The following STARD13 variants were observed in gnomAD, a reference collection of about 807,000 sequenced individuals.
STARD13 encodes the protein StAR related lipid transfer domain containing 13, also known as stAR-related lipid transfer protein 13.
Under a neutral mutation model 106.4 loss-of-function variants are expected in STARD13, and 62 were observed. That is an observed-to-expected ratio of 0.58 (90% confidence interval 0.48 to 0.72). The LOEUF is 0.72. STARD13 is among the 30% of genes least tolerant of loss of function. The pLI, the probability that STARD13 is intolerant of heterozygous loss-of-function variation, is 0.00. For missense variants in STARD13, 1,387 were observed against 1,424.0 expected, an observed-to-expected ratio of 0.97 and a Z score of 0.42; for synonymous variants, 565 against 553.0, an observed-to-expected ratio of 1.02 and a Z score of -0.31.
the STARD13 span, among the ~76,000 whole-genome samples, chr13:33,565,080 G>A: frequency 9.6e-3 from 1,409 of 147,172 alleles, 110 homozygotes; most frequent in African/African-American, 0.033. Flanking sequence ...AGTGAAATTA[G>A]CACAAAAAGT....
downstream of STARD13, among the ~76,000 whole-genome samples, chr13:33,345,041 T>A (rs892011294): frequency 6.6e-6 from 1 of 152,200 alleles, no homozygotes; most frequent in Admixed American, 6.5e-5. Flanking sequence ...TCACCAGCAG[T>A]GGTTGATTAG....
In STARD13 at chr13:33,197,029, T is replaced by C. The variant is rs1017401553; in HGVS notation, c.170-29407A>G. Among the ~76,000 whole-genome samples the C allele has an allele frequency of 5.9e-5, 9 of 152,350 alleles. No individual in the cohort carries two copies. The East Asian group carries it at 9.6e-4, about 16-fold the overall frequency. On this transcript the variant is annotated intron_variant, in intron 1 of 13. Transcript: ENST00000336934. The stretch of plus-strand genomic sequence containing the variant: ...ATTGGGAGTACTGCTCAAGATTTTG[T>C]TACTGATATGAGTGTATATTCAACA...
At chr13:33,210,279 G>A (rs546951478) in intron 1 of STARD13, among the ~76,000 whole-genome samples, 1 of 152,142 alleles carries the variant, frequency 6.6e-6, no homozygotes, top group African/African-American at 2.4e-5. Context: ...TGCAAATTCC[G>A]GCAAGAGTAA....
At chr13:33,378,562 G>C in the STARD13 span, among the ~76,000 whole-genome samples, 1 of 152,098 alleles carries the variant, frequency 6.6e-6, no homozygotes, top group African/African-American at 2.4e-5. Context: ...AGGCCGAGGC[G>C]GGCGGATCAC....
At chr13:33,460,529 A>G in the STARD13 span, among the ~76,000 whole-genome samples, 1 of 151,944 alleles carries the variant, frequency 6.6e-6, no homozygotes. Flanking sequence ...GGGCCATGGA[A>G]TTAGGTTGAT....
At chr13:33,647,964 T>C in the STARD13 span, among the ~76,000 whole-genome samples, 5 of 152,184 alleles carry the variant, frequency 3.3e-5, no homozygotes, top group East Asian at 7.7e-4. Context: ...TAGTCTTATC[T>C]CATAAAGGAC....
At chr13:33,468,816 G>T in the STARD13 span, among the ~76,000 whole-genome samples, 1 of 152,170 alleles carries the variant, frequency 6.6e-6, no homozygotes, top group Non-Finnish European at 1.5e-5. Context: ...CTCCATATGA[G>T]TATTTCTCAC....
exon 1 of STARD13, chr13:33,350,426 C>G: frequency 6.5e-7 from 1 of 1,527,810 alleles, no homozygotes; most frequent in Non-Finnish European, 8.8e-7. Flanking sequence ...TAGATCCGTC[C>G]TCATAACGAC....
chr13:33,671,601 A>G, the STARD13 span, among the ~76,000 whole-genome samples: 21 of 152,236 alleles, frequency 1.4e-4, no homozygotes, highest in East Asian at 4.1e-3. Context: ...GTGGTGGTGC[A>G]TACTTTTATT....
the STARD13 span, among the ~76,000 whole-genome samples, chr13:33,543,574 AACAAATTTCCTTT>A: frequency 6.6e-6 from 1 of 152,202 alleles, no homozygotes; most frequent in Non-Finnish European, 1.5e-5. Flanking sequence ...TATATAATGA[AACAAATTTCCTTT>A]AGAGTTTAGA....
the STARD13 span, among the ~76,000 whole-genome samples, chr13:33,522,368 C>T: frequency 6.6e-6 from 1 of 152,024 alleles, no homozygotes; most frequent in Admixed American, 6.6e-5. Context: ...TAATGGACCT[C>T]CACTGACACA....
the STARD13 span, among the ~76,000 whole-genome samples, chr13:33,399,880 G>A: frequency 1.8e-3 from 268 of 151,992 alleles, 2 homozygotes; most frequent in Middle Eastern, 0.017. Flanking sequence ...GGGCAATGAC[G>A]GCAAAGGGGT....
chr13:33,177,768 A>AAAGGAAGGAAGG (rs201721373), intron 1 of STARD13, among the ~76,000 whole-genome samples: 3 of 50,666 alleles, frequency 5.9e-5, no homozygotes, highest in South Asian at 1.0e-3. Flanking sequence ...GGAAGGAAGG[A>AAAGGAAGGAAGG]AAGGAAGGAA....
intron 1 of STARD13, among the ~76,000 whole-genome samples, chr13:33,171,503 G>A (rs982641236): frequency 3.3e-5 from 5 of 152,114 alleles, no homozygotes; most frequent in African/African-American, 7.2e-5. Context: ...CCTTCCCTAC[G>A]TATTCTGATA....
At chr13:33,610,844 C>T in the STARD13 span, 4 of 152,598 alleles carry the variant, frequency 2.6e-5, no homozygotes, top group East Asian at 7.7e-4. Flanking sequence ...CCAGGGTCGC[C>T]TGCTCACGTC....
At chr13:33,627,560 C>A in the STARD13 span, among the ~76,000 whole-genome samples, 4,379 of 151,792 alleles carry the variant, frequency 0.029, 181 homozygotes, top group East Asian at 0.17. Context: ...TCACTCGAAC[C>A]TGGGAGGTGG....
intron 1 of STARD13, among the ~76,000 whole-genome samples, chr13:33,173,799 C>G (rs2138407608): frequency 6.6e-6 from 1 of 152,138 alleles, no homozygotes; most frequent in East Asian, 1.9e-4. Flanking sequence ...CCTTGATGTG[C>G]AATAAAATAT....
At chr13:33,399,104 A>G in the STARD13 span, among the ~76,000 whole-genome samples, 6 of 152,228 alleles carry the variant, frequency 3.9e-5, no homozygotes, top group African/African-American at 1.4e-4. Context: ...ATATAAATGG[A>G]TAAAGAAAAT....
chr13:33,524,474 T>G, the STARD13 span: 1 of 161,628 alleles, frequency 6.2e-6, no homozygotes, highest in Non-Finnish European at 1.4e-5. Context: ...AAAAATTTTT[T>G]TAAACTACAA....
Sources: allele counts gnomAD v4.1 joint callset (sites outside exome capture counted in the v4.1 genomes callset), GRCh38; gene constraint gnomAD v4.1.1; transcripts MANE v1.5; gene names NCBI Gene and HGNC (gene_info 2026-07-23, HGNC 2026-07-21).